PCDH9: variants seen among roughly 807,000 people sequenced by gnomAD.
PCDH9 encodes protocadherin 9, also known as protocadherin-9.
A neutral mutation model predicts 70.6 loss-of-function variants in PCDH9; 24 were observed. That is an observed-to-expected ratio of 0.34 (90% CI 0.25 to 0.48). PCDH9 has a LOEUF of 0.48. PCDH9 is among the 20% of genes least tolerant of loss of function. The pLI is 0.99. For missense variants in PCDH9, 1,281 were observed against 1,503.6 expected, an observed-to-expected ratio of 0.85 and a Z score of 2.45; for synonymous variants, 562 against 558.5, an observed-to-expected ratio of 1.01 and a Z score of -0.09.
chr13:66,651,487 G>A (rs2077851047), intron 3 of PCDH9, among the ~76,000 whole-genome samples: 1 of 151,906 alleles, frequency 6.6e-6, no homozygotes, highest in Admixed American at 6.5e-5. Context: ...CCTATAACAA[G>A]TAATGAGATC....
At chr13:66,932,661 T>TAC (rs2082832916) in intron 2 of PCDH9, among the ~76,000 whole-genome samples, 1 of 26,956 alleles carries the variant, frequency 3.7e-5, no homozygotes, top group African/African-American at 9.8e-5. Context: ...AATCCTCACA[T>TAC]ATATATATAT....
intron 4 of PCDH9, among the ~76,000 whole-genome samples, chr13:66,371,548 G>T (rs1239969701): frequency 1.3e-5 from 2 of 151,912 alleles, no homozygotes; most frequent in African/African-American, 4.8e-5. Context: ...AGAAAAACTT[G>T]TTTGTTCAAA....
intron 2 of PCDH9, among the ~76,000 whole-genome samples, chr13:67,199,794 C>G (rs2089164565): frequency 1.3e-5 from 2 of 152,066 alleles, no homozygotes; most frequent in Non-Finnish European, 1.5e-5. Flanking sequence ...TTTATCTTCA[C>G]ATTTCACTAC....
chr13:66,988,476 G>A (rs1461749390), intron 2 of PCDH9, among the ~76,000 whole-genome samples: 2 of 151,970 alleles, frequency 1.3e-5, no homozygotes, highest in Non-Finnish European at 2.9e-5. Flanking sequence ...TCTAAGAGAA[G>A]TTGGACAAGG....
intron 3 of PCDH9, among the ~76,000 whole-genome samples, chr13:66,667,769 G>T (rs530233353): frequency 6.6e-6 from 1 of 152,008 alleles, no homozygotes; most frequent in South Asian, 2.1e-4. Context: ...GCACAGTATT[G>T]TGTTATATAT....
In PCDH9 at chr13:66,374,487, C is replaced by T. The variant is rs563821954; in HGVS notation, c.3341-69459G>A. ...GGAGACAGGAAATAGCAATTTTTAT[C>T]ACTGAGCTTGGTACTCTACACGTTA... On this transcript the variant is annotated intron_variant, in intron 4 of 4. Coordinates refer to ENST00000377865, the MANE Select transcript of PCDH9 (RefSeq NM_203487.3). Among the ~76,000 whole-genome samples, 7 of 152,124 alleles carry T rather than the reference C, an allele frequency of 4.6e-5. No individual in the cohort carries two copies. The South Asian group carries it at 1.5e-3, about 32-fold the overall frequency.
chr13:66,313,318 C>T (rs1344876449), intron 4 of PCDH9, among the ~76,000 whole-genome samples: 1 of 152,120 alleles, frequency 6.6e-6, no homozygotes, highest in Non-Finnish European at 1.5e-5. Flanking sequence ...TCACGTTTTT[C>T]CTTTCAAAAA....
At chr13:66,621,546 C>T (rs985957272) in intron 4 of PCDH9, among the ~76,000 whole-genome samples, 1 of 152,118 alleles carries the variant, frequency 6.6e-6, no homozygotes, top group Non-Finnish European at 1.5e-5. Flanking sequence ...ATAGAGGAGT[C>T]GGCGTATATG....
intron 4 of PCDH9, among the ~76,000 whole-genome samples, chr13:66,618,070 C>A (rs1243640849): frequency 6.6e-6 from 1 of 152,122 alleles, no homozygotes; most frequent in Non-Finnish European, 1.5e-5. Flanking sequence ...TGGGTGGAAA[C>A]TGGGATTGGA....
At position 66,545,765 on chromosome 13, in the gene PCDH9, C is replaced by T. The variant is rs146822103; in HGVS notation, c.3340+85445G>A. 4.4e-3 allele frequency among the ~76,000 whole-genome samples: 672 copies of T among 151,642 alleles called. 27 individuals are homozygous for T. The East Asian group carries it at 0.086, about 19-fold the overall frequency. On this transcript the variant is annotated intron_variant, in intron 4 of 4. Transcript: ENST00000377865. ...ATAATGATAATAATCTACTCTGTTA[C>T]TGGTTTATGTATTTACTATGCTATA... is the stretch of plus-strand genomic sequence containing the variant.
intron 4 of PCDH9, among the ~76,000 whole-genome samples, chr13:66,385,434 G>A (rs147640463): frequency 8.6e-5 from 13 of 152,034 alleles, no homozygotes; most frequent in South Asian, 2.1e-4. Flanking sequence ...TCATGCCTCC[G>A]TCTAGCCCGC....
chr13:66,836,516 C>T (rs369098602), intron 3 of PCDH9, among the ~76,000 whole-genome samples: 7 of 152,106 alleles, frequency 4.6e-5, no homozygotes, highest in African/African-American at 7.2e-5. Context: ...ATCTTCACCT[C>T]AATCCTACAC....
intron 4 of PCDH9, among the ~76,000 whole-genome samples, chr13:66,349,565 T>C (rs1956262321): frequency 6.6e-6 from 1 of 152,168 alleles, no homozygotes; most frequent in African/African-American, 2.4e-5. Flanking sequence ...GCTTCTAGCA[T>C]CTGATGTGCC....
chr13:66,925,228 T>C (rs2082698218), intron 2 of PCDH9, among the ~76,000 whole-genome samples: 2 of 151,882 alleles, frequency 1.3e-5, no homozygotes, highest in Admixed American at 1.3e-4. Context: ...TTTCTAAATA[T>C]TCTTTGTTCA....
intron 4 of PCDH9, among the ~76,000 whole-genome samples, chr13:66,409,791 C>T (rs2138319392): frequency 6.6e-6 from 1 of 152,292 alleles, no homozygotes; most frequent in Non-Finnish European, 1.5e-5. Context: ...TCTGTGCTCC[C>T]ATCTATGGCA....
chr13:66,479,583 C>A (rs1388708141), intron 4 of PCDH9, among the ~76,000 whole-genome samples: 1 of 152,170 alleles, frequency 6.6e-6, no homozygotes. Flanking sequence ...GAGAACTTTT[C>A]TATCTAGCTA....
intron 3 of PCDH9, among the ~76,000 whole-genome samples, chr13:66,658,020 T>C (rs1371102418): frequency 1.3e-5 from 2 of 152,180 alleles, no homozygotes; most frequent in Admixed American, 1.3e-4. Flanking sequence ...TTTTACTGGG[T>C]ATAAGAAATC....
intron 4 of PCDH9, among the ~76,000 whole-genome samples, chr13:66,545,225 AT>A (rs895338930): frequency 6.6e-6 from 1 of 152,152 alleles, no homozygotes; most frequent in Non-Finnish European, 1.5e-5. Context: ...GAAAATAGCT[AT>A]TTGCATTGAG....
intron 2 of PCDH9, among the ~76,000 whole-genome samples, chr13:67,200,217 C>T (rs117115951): frequency 0.031 from 4,645 of 151,830 alleles, 136 homozygotes; most frequent in Admixed American, 0.094. Context: ...TAAAATAATC[C>T]ACAAACTGGG....
Sources: gnomAD v4.1 joint callset for allele counts (sites outside exome capture counted in the v4.1 genomes callset) on GRCh38, gnomAD v4.1.1 for gene constraint, MANE v1.5 for transcripts, NCBI Gene and HGNC (gene_info 2026-07-23, HGNC 2026-07-21) for gene names.